The following TRPC5 variants were observed in gnomAD, a reference collection of about 807,000 sequenced individuals.
TRPC5 encodes transient receptor potential cation channel subfamily C member 5.
A neutral mutation model predicts 56.5 loss-of-function variants in TRPC5; 9 were observed. The ratio of observed to expected loss-of-function variants is 0.16; its 90% CI spans 0.10 to 0.28. The LOEUF is 0.28. Among genes scored for constraint, TRPC5 ranks in the 10% least tolerant of loss-of-function variants. The pLI is 1.00. For synonymous variants in TRPC5, 282 were observed against 278.5 expected (o/e 1.01, Z -0.13); for missense variants, 469 against 748.9 (o/e 0.63, Z 4.36).
At chrX:111,861,313 CAT>C (rs1923398487) in intron 3 of TRPC5, among the ~76,000 whole-genome samples, 1 of 111,907 alleles carries the variant, frequency 8.9e-6, no homozygotes, top group South Asian at 3.7e-4. Flanking sequence ...ACAGAAAAGA[CAT>C]ATAATATTCT....
chrX:112,039,642 C>T (rs2147725766), intron 1 of TRPC5, among the ~76,000 whole-genome samples: 1 of 111,591 alleles, frequency 9.0e-6, no homozygotes, highest in Admixed American at 9.5e-5. Flanking sequence ...TGGACATGTG[C>T]AGATCCTTTT....
At chrX:111,873,785 CAAAT>C (rs1041182530) in intron 3 of TRPC5, among the ~76,000 whole-genome samples, 1 of 106,714 alleles carries the variant, frequency 9.4e-6, no homozygotes, top group Non-Finnish European at 1.9e-5. Flanking sequence ...ATTTCGTCTC[CAAAT>C]AAATAAATAA....
intron 1 of TRPC5, among the ~76,000 whole-genome samples, chrX:111,976,749 CA>C (rs1413642503): frequency 9.0e-6 from 1 of 110,805 alleles, no homozygotes; most frequent in Non-Finnish European, 1.9e-5. Context: ...AGAATTCACA[CA>C]CAAAAAACTG....
chrX:111,858,043 T>G (rs1157216035), intron 3 of TRPC5, among the ~76,000 whole-genome samples: 1 of 112,544 alleles, frequency 8.9e-6, no homozygotes, highest in African/African-American at 3.2e-5. Context: ...TATCTTCTAT[T>G]TTTATATCTG....
intron 1 of TRPC5, among the ~76,000 whole-genome samples, chrX:111,985,292 GT>G (rs1271204634): frequency 8.9e-6 from 1 of 111,750 alleles, no homozygotes. Context: ...CACAAGATGG[GT>G]TTGAAGACAC....
At chrX:111,937,330 C>G (rs1926617617) in intron 2 of TRPC5, among the ~76,000 whole-genome samples, 1 of 102,118 alleles carries the variant, frequency 9.8e-6, no homozygotes, top group South Asian at 4.3e-4. Context: ...TTTTGCTGTG[C>G]AGAAGCTCTT....
In TRPC5 at chrX:111,955,706, T is replaced by C. The variant is rs139465054; in HGVS notation, c.-21-3265A>G. ...TCCAGGCTCAGAGGCCAATCCTTTC[T>C]CTGCATGCTTGCTGTTAGGCCTACT... On this transcript the variant is annotated intron_variant, in intron 1 of 10. Coordinates refer to ENST00000262839, the MANE Select transcript of TRPC5 (RefSeq NM_012471.3). Among the ~76,000 whole-genome samples the C allele has an allele frequency of 8.9e-5, 10 of 111,861 alleles. No homozygotes were observed. The East Asian group carries it at 2.3e-3, about 25-fold the overall frequency.
At chrX:111,888,911 T>C (rs1430532020) in intron 3 of TRPC5, among the ~76,000 whole-genome samples, 1 of 110,957 alleles carries the variant, frequency 9.0e-6, no homozygotes, top group Admixed American at 9.6e-5. Context: ...GTGGATTTTT[T>C]GGCCTGAGTA....
chrX:112,076,285 G>T (rs1930832688), intron 1 of TRPC5, among the ~76,000 whole-genome samples: 1 of 111,345 alleles, frequency 9.0e-6, no homozygotes, highest in South Asian at 3.8e-4. Context: ...TTACAATCAG[G>T]TTGCCCAGAT....
chrX:111,899,224 C>T (rs1383116002), intron 3 of TRPC5, among the ~76,000 whole-genome samples: 1 of 110,518 alleles, frequency 9.0e-6, no homozygotes, highest in Non-Finnish European at 1.9e-5. Flanking sequence ...GTGACTGAGT[C>T]CCCCGCCCCA....
chrX:111,972,002 C>A (rs1927798513), intron 1 of TRPC5, among the ~76,000 whole-genome samples: 1 of 111,858 alleles, frequency 8.9e-6, no homozygotes, highest in African/African-American at 3.2e-5. Context: ...CTCATGCTAT[C>A]TATTCTCCCA....
chrX:111,916,905 A>T lies in TRPC5; in HGVS notation c.379-4093T>A, dbSNP rs140703946. Among the ~76,000 whole-genome samples the T allele has an allele frequency of 4.6e-3, 523 of 113,047 alleles. 2 individuals are homozygous for T. The highest frequency in any genetic ancestry group is 7.3e-3 in the Non-Finnish European group (390 of 53,413). On this transcript the variant is annotated intron_variant, in intron 2 of 10. Coordinates refer to ENST00000262839, the MANE Select transcript of TRPC5 (RefSeq NM_012471.3). Reference sequence around the variant, plus strand: ...TTCGTGCTAGCACATAAGTTGTGAGACTAAAAAGAGATGGGAGAAGAAATT... The same window carrying T: ...TTCGTGCTAGCACATAAGTTGTGAGTCTAAAAAGAGATGGGAGAAGAAATT...
At chrX:111,856,391 A>G (rs1294096888) in intron 3 of TRPC5, among the ~76,000 whole-genome samples, 1 of 108,326 alleles carries the variant, frequency 9.2e-6, no homozygotes, top group Admixed American at 1.0e-4. Flanking sequence ...AAATACAAAA[A>G]TTGTGGGGCG....
intron 2 of TRPC5, among the ~76,000 whole-genome samples, chrX:111,922,708 T>C (rs777101775): frequency 2.7e-4 from 30 of 111,984 alleles, no homozygotes; most frequent in Non-Finnish European, 7.5e-5. Context: ...TGCTGGATGA[T>C]CTCAGCTTTC....
intron 1 of TRPC5, among the ~76,000 whole-genome samples, chrX:112,025,845 C>A: frequency 9.0e-6 from 1 of 111,595 alleles, no homozygotes; most frequent in Non-Finnish European, 1.9e-5. Context: ...TCCCCATCCA[C>A]TGGTTGAGCA....
intron 1 of TRPC5, among the ~76,000 whole-genome samples, chrX:112,047,278 T>C (rs1930062963): frequency 9.0e-6 from 1 of 111,448 alleles, no homozygotes; most frequent in South Asian, 3.8e-4. Flanking sequence ...CAAATATCCA[T>C]TGAATATTTT....
At chrX:111,898,632 T>C (rs547174251) in intron 3 of TRPC5, among the ~76,000 whole-genome samples, 139 of 110,775 alleles carry the variant, frequency 1.3e-3, no homozygotes, top group Non-Finnish European at 2.3e-3. Context: ...TCAGACAGAT[T>C]TCTTAGTCTC....
chrX:111,780,985 T>C, intron 9 of TRPC5, 180 bp downstream of exon 9: 1 of 522,907 alleles, frequency 1.9e-6, no homozygotes. Context: ...ATGAACAGGA[T>C]TATAAAGCAG....
At chrX:111,995,923 A>C (rs1928514285) in intron 1 of TRPC5, among the ~76,000 whole-genome samples, 1 of 108,252 alleles carries the variant, frequency 9.2e-6, no homozygotes. Context: ...TTTTTCAAAA[A>C]TCCAGCTCCT....
Sources: allele counts gnomAD v4.1 joint callset (sites outside exome capture counted in the v4.1 genomes callset), GRCh38; gene constraint gnomAD v4.1.1; transcripts MANE v1.5; gene names NCBI Gene and HGNC (gene_info 2026-07-23, HGNC 2026-07-21).